The following PJA2 variants were observed in gnomAD, a reference collection of about 807,000 sequenced individuals.
PJA2 encodes the protein E3 ubiquitin-protein ligase Praja-2.
Under a neutral mutation model 69.3 loss-of-function variants are expected in PJA2, and 25 were observed. That is an observed-to-expected ratio of 0.36 (90% CI 0.26 to 0.50). The LOEUF (loss-of-function observed/expected upper bound fraction) is 0.50, where lower values mean the gene tolerates loss of function less well. PJA2 is among the 20% of genes least tolerant of loss of function. The pLI is 0.96. For synonymous variants in PJA2, 308 were observed against 277.8 expected (o/e 1.11, Z -1.08); for missense variants, 809 against 830.2 (o/e 0.97, Z 0.31).
At chr5:109,356,440 T>G (rs1762414082) in intron 6 of PJA2, among the ~76,000 whole-genome samples, 2 of 152,184 alleles carry the variant, frequency 1.3e-5, no homozygotes, top group South Asian at 4.1e-4. Context: ...TTGAACCATT[T>G]TAGATGTTGA....
At chr5:109,341,303 G>T (rs1762052019) in intron 9 of PJA2, among the ~76,000 whole-genome samples, 1 of 150,274 alleles carries the variant, frequency 6.7e-6, no homozygotes. Flanking sequence ...CCCCATCTGG[G>T]ATGTGAGGAG....
At chr5:109,401,067 A>C (rs1003778698) in intron 1 of PJA2, among the ~76,000 whole-genome samples, 3 of 152,166 alleles carry the variant, frequency 2.0e-5, no homozygotes, top group Non-Finnish European at 4.4e-5. Context: ...CAAGGAGGGC[A>C]GACCACTTGA....
At chr5:109,386,990 T>G (rs919460168) in intron 1 of PJA2, among the ~76,000 whole-genome samples, 1 of 152,196 alleles carries the variant, frequency 6.6e-6, no homozygotes, top group Non-Finnish European at 1.5e-5. Context: ...GAGACTCTTG[T>G]ACACGTCTCA....
Position 109,380,930 on chromosome 5 carries a change from C to T in PJA2, c.232+573G>A, listed in dbSNP as rs369840103. ...AGGAGTTTGAGATCAGCCTGGCCAA[C>T]GTGGTGAAACCCTGTCTCTACTAAA... On this transcript the variant is annotated intron_variant, in intron 3 of 9. Transcript: ENST00000361189. Among the ~76,000 whole-genome samples, 720 of 151,520 alleles carry T rather than the reference C, an allele frequency of 4.8e-3. 1 individual carries two copies. Among genetic ancestry groups the T allele is most frequent in the Middle Eastern group, 6.8e-3 (2 of 292 alleles).
intron 7 of PJA2, among the ~76,000 whole-genome samples, chr5:109,352,685 T>TA (rs1247104869): frequency 6.6e-6 from 1 of 151,914 alleles, no homozygotes; most frequent in Non-Finnish European, 1.5e-5. Context: ...GTTATATATG[T>TA]AAAAAAAGTG....
chr5:109,363,147 T>TA (rs1762528983), intron 5 of PJA2, 125 bp from the exon 6 acceptor site: 4 of 756,804 alleles, frequency 5.3e-6, no homozygotes, highest in South Asian at 3.9e-5. Flanking sequence ...TTTATAATTC[T>TA]AAAAAACTGT....
chr5:109,346,865 A>G (rs1157265822), intron 7 of PJA2, among the ~76,000 whole-genome samples: 1 of 152,206 alleles, frequency 6.6e-6, no homozygotes, highest in Non-Finnish European at 1.5e-5. Context: ...TGTTTATTTT[A>G]CCATAATAAA....
chr5:109,384,468 T>C (rs1034745708), intron 1 of PJA2, among the ~76,000 whole-genome samples: 1 of 152,220 alleles, frequency 6.6e-6, no homozygotes, highest in Non-Finnish European at 1.5e-5. Context: ...AAAGTACTAT[T>C]TGAGAAGTTG....
At chr5:109,403,997 G>C (rs1481989514) in intron 1 of PJA2, among the ~76,000 whole-genome samples, 2 of 152,062 alleles carry the variant, frequency 1.3e-5, no homozygotes, top group African/African-American at 4.8e-5. Flanking sequence ...CTTGAACCCA[G>C]GAGGCGGAGG....
intron 1 of PJA2, chr5:109,390,656 T>C (rs1204197124): frequency 6.6e-6 from 1 of 152,032 alleles, no homozygotes; most frequent in Non-Finnish European, 1.5e-5. Flanking sequence ...TGTTCCTTTA[T>C]TCCTCCGTTC....
intron 9 of PJA2, among the ~76,000 whole-genome samples, chr5:109,338,088 T>C (rs1761978736): frequency 6.6e-6 from 1 of 152,124 alleles, no homozygotes. Context: ...CGTTATCTGA[T>C]AACAGATTAT....
At chr5:109,395,943 T>C (rs550903807) in intron 1 of PJA2, among the ~76,000 whole-genome samples, 2 of 147,788 alleles carry the variant, frequency 1.4e-5, no homozygotes, top group East Asian at 4.0e-4. Context: ...GAGATTGCAG[T>C]GAGCCGAGAA....
At chr5:109,340,067 A>G (rs1348227082) in intron 9 of PJA2, among the ~76,000 whole-genome samples, 1 of 152,206 alleles carries the variant, frequency 6.6e-6, no homozygotes, top group Non-Finnish European at 1.5e-5. Context: ...ATACTCCTCA[A>G]ATAATACACA....
rs1746935559 is a variant in PJA2 at position 109,378,147 on chromosome 5, A to G, written c.1283+57T>C. 2.3e-6 allele frequency: 3 copies of G among 1,284,108 alleles called. No homozygotes were observed. The African/African-American group carries it at 4.4e-5, about 19-fold the overall frequency. The allele number at this position is 1,284,108 out of a possible 1,614,324, so 79.5% of individuals were successfully genotyped here. A position where few individuals can be genotyped will look rare whatever the true frequency, so the allele number is the denominator to read the frequency against. Reference sequence around the variant, plus strand: ...TAGCCCAGCCATCAAACATGGTTCTAGAAAGAAACCACTTCATTTACTACA... The same window carrying G: ...TAGCCCAGCCATCAAACATGGTTCTGGAAAGAAACCACTTCATTTACTACA... On this transcript the variant is annotated intron_variant, in intron 4 of 9. Transcript: ENST00000361189.
chr5:109,365,844 T>C (rs970120095), intron 5 of PJA2, among the ~76,000 whole-genome samples: 21 of 152,286 alleles, frequency 1.4e-4, no homozygotes, highest in African/African-American at 5.1e-4. Flanking sequence ...TTTGTATATT[T>C]AGCCTAAAGA....
rs369825187 is a variant in PJA2 at position 109,378,516 on chromosome 5, G to A, written c.971C>T (p.Ser324Leu). The change falls in exon 4 of 10, where the codon TCA (serine) becomes TTA (leucine). Residue 324 changes from serine (S) to leucine (L), a missense_variant. Coordinates refer to ENST00000361189, the MANE Select transcript of PJA2 (RefSeq NM_014819.5). ...ACCTGTTTCTTGGTCCACCTGGCTT[G>A]AACTTATCAGTTTTCTAACTTTTGG... Reference protein sequence around the residue: ...VRPKVRKLISSSQVDQETGFN... With the variant: ...VRPKVRKLISLSQVDQETGFN... 2 of 1,614,028 alleles carry A rather than the reference G, an allele frequency of 1.2e-6. No individual in the cohort carries two copies. The highest frequency in any genetic ancestry group is 1.7e-6 in the Non-Finnish European group (2 of 1,180,020).
chr5:109,335,689 C>A lies in PJA2; in HGVS notation c.*1542G>T, dbSNP rs937204190. The A allele has an allele frequency of 3.9e-5, 6 of 152,272 alleles. No individual in the cohort carries two copies. Among genetic ancestry groups the A allele is most frequent in the African/African-American group, 1.4e-4 (6 of 41,394 alleles). The allele number at this position is 152,272 out of a possible 1,614,324, so 9.4% of individuals were successfully genotyped here. A position where few individuals can be genotyped will look rare whatever the true frequency, so the allele number is the denominator to read the frequency against. ...AATGAAATATGATATGGAAAGATCA[C>A]AGAGTAGAAAACAAGCAAAGATTAG... is the stretch of plus-strand genomic sequence containing the variant. On this transcript the variant is annotated 3_prime_UTR_variant, in exon 10 of 10. Coordinates refer to ENST00000361189, the MANE Select transcript of PJA2 (RefSeq NM_014819.5).
intron 5 of PJA2, among the ~76,000 whole-genome samples, chr5:109,363,246 A>T (rs1470798486): frequency 6.6e-6 from 1 of 152,222 alleles, no homozygotes; most frequent in Non-Finnish European, 1.5e-5. Context: ...TTACATAGGA[A>T]CATATTTATT....
At chr5:109,402,667 T>C (rs1030595587) in intron 1 of PJA2, among the ~76,000 whole-genome samples, 1 of 152,150 alleles carries the variant, frequency 6.6e-6, no homozygotes, top group Non-Finnish European at 1.5e-5. Flanking sequence ...ATCAATCAAC[T>C]TGATATAGAA....
Sources: allele counts gnomAD v4.1 joint callset (sites outside exome capture counted in the v4.1 genomes callset), GRCh38; gene constraint gnomAD v4.1.1; transcripts MANE v1.5; gene names NCBI Gene and HGNC (gene_info 2026-07-23, HGNC 2026-07-21).